RRP7A: variants seen among roughly 807,000 people sequenced by gnomAD.
The protein encoded by RRP7A is ribosomal RNA-processing protein 7 homolog A.
Under a neutral mutation model 38.4 loss-of-function variants are expected in RRP7A, and 27 were observed. The observed-to-expected ratio is 0.70, with a 90% CI of 0.52 to 0.97. RRP7A has a LOEUF of 0.97. Among genes scored for constraint, RRP7A ranks in the 50% least tolerant of loss-of-function variants. The probability of loss-of-function intolerance (pLI) is 0.00; values close to 1 mark genes in which losing one functional copy is unlikely to be tolerated. For synonymous variants in RRP7A, 124 were observed against 150.3 expected, an observed-to-expected ratio of 0.83 and a Z score of 1.28; for missense variants, 327 against 375.4, an observed-to-expected ratio of 0.87 and a Z score of 1.07.
At chr22:42,514,512 G>A (rs1601806417) in intron 5 of RRP7A, among the ~76,000 whole-genome samples, 170 bp downstream of exon 5, 2 of 152,256 alleles carry the variant, frequency 1.3e-5, no homozygotes, top group Admixed American at 6.5e-5. Context: ...AGGACATGTG[G>A]AGACTACATG....
rs1199436626 is a variant in RRP7A, at chr22:42,514,406, G to C, written c.559-102C>G. On this transcript the variant is annotated intron_variant, in intron 5 of 6. Transcript: ENST00000323013. The stretch of plus-strand genomic sequence containing the variant: ...AAAGTCAGAACTGCCCTGAGCCCCC[G>C]CAGGGGAGGGCTGCTCCCCTCCTCC... 5.0e-6 allele frequency: 4 copies of C among 793,092 alleles called. No individual in the cohort carries two copies. The South Asian group carries it at 6.9e-5, about 14-fold the overall frequency. 49.1% of individuals were successfully genotyped at this position (793,092 alleles called of 1,614,324 possible).
rs1192594534 is a variant in RRP7A at position 42,511,343 on chromosome 22, A to G, written c.*1567T>C. On this transcript the variant is annotated 3_prime_UTR_variant, in exon 7 of 7. Coordinates refer to ENST00000323013, the MANE Select transcript of RRP7A (RefSeq NM_015703.5). ...AGGCACCTGCCACCATGCCCAGCTA[A>G]TTTTTATATTTTTAAGAGATGGGGG... 1 of 152,182 alleles carries G rather than the reference A, an allele frequency of 6.6e-6. No homozygotes were observed. The highest frequency in any genetic ancestry group is 2.4e-5 in the African/African-American group (1 of 41,408). The allele number at this position is 152,182 out of a possible 1,614,324, so 9.4% of individuals were successfully genotyped here. A position where few individuals can be genotyped will look rare whatever the true frequency, so the allele number is the denominator to read the frequency against.
At position 42,512,080 on chromosome 22, in the gene RRP7A, C is replaced by T. The variant is rs1045042339; in HGVS notation, c.*830G>A. 1.3e-5 allele frequency: 20 copies of T among 1,511,814 alleles called. No homozygotes were observed. In the Admixed American group the frequency reaches 3.2e-4, roughly 24 times the overall value. The allele number at this position is 1,511,814 out of a possible 1,614,324, so 93.6% of individuals were successfully genotyped here. ...GGCCCATGGAGCTCCCTAGGCTCCT[C>T]TGGCCACATCTCACTACCCACCCCC... On this transcript the variant is annotated 3_prime_UTR_variant, in exon 7 of 7. Transcript: ENST00000323013.
rs557276686 is a variant in RRP7A at position 42,512,753 on chromosome 22, C to A, written c.*157G>T. The A allele has an allele frequency of 2.7e-3, 2,033 of 754,592 alleles. 14 individuals carry two copies. Among genetic ancestry groups the A allele is most frequent in the Non-Finnish European group, 3.2e-3 (1,439 of 443,386 alleles). The allele number at this position is 754,592 out of a possible 1,614,324, so 46.7% of individuals were successfully genotyped here. A position where few individuals can be genotyped will look rare whatever the true frequency, so the allele number is the denominator to read the frequency against. On this transcript the variant is annotated 3_prime_UTR_variant, in exon 7 of 7. Transcript: ENST00000323013. ...GACCCGAGGGGTGGCCTGGTCCTTC[C>A]CTCCTGGCCTGTGTGGACTCTGATG...
Position 42,512,823 on chromosome 22 carries a change from G to A in RRP7A, c.*87C>T, listed in dbSNP as rs1160098631. 2 of 1,401,182 alleles carry A rather than the reference G, an allele frequency of 1.4e-6. No individual in the cohort carries two copies. Among genetic ancestry groups the A allele is most frequent in the African/African-American group, 1.4e-5 (1 of 70,982 alleles). The allele number at this position is 1,401,182 out of a possible 1,614,324, so 86.8% of individuals were successfully genotyped here. ...CCTTCAACCTGGGGCCCGTTGGCCA[G>A]AGCTCGGCCTCTCAGAGACCGCTGC... is the stretch of plus-strand genomic sequence containing the variant. On this transcript the variant is annotated 3_prime_UTR_variant, in exon 7 of 7. Coordinates refer to ENST00000323013, the MANE Select transcript of RRP7A (RefSeq NM_015703.5).
At chr22:42,518,200 A>G in intron 1 of RRP7A, 53 bp from the exon 2 acceptor site, 2 of 1,455,184 alleles carry the variant, frequency 1.4e-6, no homozygotes, top group South Asian at 1.1e-5. Flanking sequence ...AGCTGAGGCC[A>G]GCGAGACACT....
chr22:42,515,393 A>G, intron 3 of RRP7A, 125 bp from the exon 4 acceptor site: 1 of 676,380 alleles, frequency 1.5e-6, no homozygotes, highest in South Asian at 1.8e-5. Context: ...TTCCTGAGCC[A>G]TGAAGAGAAC....
rs1456818021 is a variant in RRP7A, at chr22:42,510,513, T to A, written c.*2397A>T. 3.8e-5 allele frequency: 15 copies of A among 397,010 alleles called. No individual in the cohort carries two copies. The East Asian group carries it at 6.3e-4, about 17-fold the overall frequency. The allele number at this position is 397,010 out of a possible 1,614,324, so 24.6% of individuals were successfully genotyped here. On this transcript the variant is annotated 3_prime_UTR_variant, in exon 7 of 7. Transcript: ENST00000323013. ...GGGTCAAGGGACCCAGCTGTGGGAG[T>A]TGGGGTAGCCCAGGCTTTGGTTTCT...
At chr22:42,519,474 C>G (rs1401780256) in intron 1 of RRP7A, among the ~76,000 whole-genome samples, 3 of 152,126 alleles carry the variant, frequency 2.0e-5, no homozygotes, top group Non-Finnish European at 4.4e-5. Flanking sequence ...CAGAGGCGGG[C>G]TCACCCAAGG....
rs576244537 is a variant in RRP7A at position 42,509,401 on chromosome 22, C to T, written c.*3509G>A. Among the ~76,000 whole-genome samples, 93 of 150,866 alleles carry T rather than the reference C, an allele frequency of 6.2e-4. 1 individual carries two copies. The highest frequency in any genetic ancestry group is 2.0e-3 in the African/African-American group (83 of 41,366). ...GCTCCATAACCAGTGAGCCCAGTCT[C>T]GACTCACTGCAACCTCTGCCTCCTG... On this transcript the variant is annotated 3_prime_UTR_variant, in exon 7 of 7. Transcript: ENST00000323013.
In RRP7A at chr22:42,508,432, C is replaced by G. The variant is rs1322971579; in HGVS notation, c.*4478G>C. ...ATTGCATTATTTTGCATGCTGTTTT[C>G]CAAATCCAGCTTCGTGTCACACCTA... On this transcript the variant is annotated 3_prime_UTR_variant, in exon 7 of 7. Coordinates refer to ENST00000323013, the MANE Select transcript of RRP7A (RefSeq NM_015703.5). Among the ~76,000 whole-genome samples, 3 of 150,916 alleles carry G rather than the reference C, an allele frequency of 2.0e-5. No individual in the cohort carries two copies. The highest frequency in any genetic ancestry group is 2.9e-5 in the Non-Finnish European group (2 of 67,904).
rs372483931 is a variant in RRP7A at position 42,511,762 on chromosome 22, G to A, written c.*1148C>T. The A allele has an allele frequency of 4.9e-6, 1 of 204,942 alleles. No homozygotes were observed. Among genetic ancestry groups the A allele is most frequent in the East Asian group, 1.3e-4 (1 of 7,636 alleles). The allele number at this position is 204,942 out of a possible 1,614,324, so 12.7% of individuals were successfully genotyped here. A position where few individuals can be genotyped will look rare whatever the true frequency, so the allele number is the denominator to read the frequency against. The stretch of plus-strand genomic sequence containing the variant: ...GGGCCTTCCTGTCTGGCTTCTTGAA[G>A]GCAGACACAAGTCTGCAGGCTGCTC... On this transcript the variant is annotated 3_prime_UTR_variant, in exon 7 of 7. Coordinates refer to ENST00000323013, the MANE Select transcript of RRP7A (RefSeq NM_015703.5).
In RRP7A at chr22:42,512,737, G is replaced by A. The variant is rs8313; in HGVS notation, c.*173C>T. 0.12 allele frequency: 80,955 copies of A among 685,948 alleles called. 6,215 individuals are homozygous for A. Among genetic ancestry groups the A allele is most frequent in the Admixed American group, 0.21 (8,816 of 42,418 alleles). The allele number at this position is 685,948 out of a possible 1,614,324, so 42.5% of individuals were successfully genotyped here. ...GACTGCTGAAGCACAAGACCCGAGG[G>A]GTGGCCTGGTCCTTCCCTCCTGGCC... On this transcript the variant is annotated 3_prime_UTR_variant, in exon 7 of 7. Coordinates refer to ENST00000323013, the MANE Select transcript of RRP7A (RefSeq NM_015703.5).
chr22:42,509,037 A>G lies in RRP7A; in HGVS notation c.*3873T>C. On this transcript the variant is annotated 3_prime_UTR_variant, in exon 7 of 7. Transcript: ENST00000323013. Reference sequence around the variant, plus strand: ...GTTTTTGTCTCTGCAGGCAGAGAACAGCATTGACTTCGTCAGCAGGGAGCT... The same window carrying G: ...GTTTTTGTCTCTGCAGGCAGAGAACGGCATTGACTTCGTCAGCAGGGAGCT... The G allele has an allele frequency of 1.9e-6, 3 of 1,607,858 alleles. No individual in the cohort carries two copies. Among genetic ancestry groups the G allele is most frequent in the Non-Finnish European group, 2.6e-6 (3 of 1,173,990 alleles).
intron 1 of RRP7A, among the ~76,000 whole-genome samples, chr22:42,519,071 A>AG (rs1920939598): frequency 6.7e-6 from 1 of 148,552 alleles, no homozygotes. Context: ...AAAAACCCAG[A>AG]GGGGGGAAAA....
Position 42,519,796 on chromosome 22 carries a change from C to T in RRP7A, c.-10G>A, listed in dbSNP as rs1181288716. The T allele has an allele frequency of 2.1e-6, 3 of 1,413,926 alleles. No homozygotes were observed. Among genetic ancestry groups the T allele is most frequent in the Non-Finnish European group, 9.2e-7 (1 of 1,086,846 alleles). 87.6% of individuals were successfully genotyped at this position (1,413,926 alleles called of 1,614,324 possible). A position where few individuals can be genotyped will look rare whatever the true frequency, so the allele number is the denominator to read the frequency against. ...TCCTGCGCGCCACCATCTTGCCACC[C>T]GGGAGCGCGGGGGCCGCCGGGAGTT... On this transcript the variant is annotated 5_prime_UTR_variant, in exon 1 of 7. Coordinates refer to ENST00000323013, the MANE Select transcript of RRP7A (RefSeq NM_015703.5).
intron 2 of RRP7A, 53 bp from the exon 3 acceptor site, chr22:42,516,189 G>C: frequency 3.1e-6 from 5 of 1,604,694 alleles, no homozygotes; most frequent in Non-Finnish European, 4.3e-6. Flanking sequence ...CCATCCCAAA[G>C]CCTCCCTGCA....
chr22:42,512,026 G>A lies in RRP7A; in HGVS notation c.*884C>T. On this transcript the variant is annotated 3_prime_UTR_variant, in exon 7 of 7. Transcript: ENST00000323013. ...AGGCGCTCCTGACCTGCAGGGAGCT[G>A]GAATGCTGTGGGAGGGCCCTGACCC... 1 of 852,360 alleles carries A rather than the reference G, an allele frequency of 1.2e-6. No homozygotes were observed. Among genetic ancestry groups the A allele is most frequent in the Admixed American group, 2.1e-5 (1 of 48,006 alleles). 52.8% of individuals were successfully genotyped at this position (852,360 alleles called of 1,614,324 possible).
In RRP7A at chr22:42,510,888, G is replaced by A; in HGVS notation, c.*2022C>T. 1 of 752,858 alleles carries A rather than the reference G, an allele frequency of 1.3e-6. No homozygotes were observed. Among genetic ancestry groups the A allele is most frequent in the African/African-American group, 1.9e-5 (1 of 53,696 alleles). The allele number at this position is 752,858 out of a possible 1,614,324, so 46.6% of individuals were successfully genotyped here. A position where few individuals can be genotyped will look rare whatever the true frequency, so the allele number is the denominator to read the frequency against. On this transcript the variant is annotated 3_prime_UTR_variant, in exon 7 of 7. Transcript: ENST00000323013. ...CTCATGCTCCAGTGATCAGTCCCTA[G>A]AGGCCTGGGGACACATGTAATCAGA...
Sources: gnomAD v4.1 joint callset for allele counts (sites outside exome capture counted in the v4.1 genomes callset) on GRCh38, gnomAD v4.1.1 for gene constraint, MANE v1.5 for transcripts, NCBI Gene and HGNC (gene_info 2026-07-23, HGNC 2026-07-21) for gene names.